The following ADAMTSL1 variants were observed in gnomAD, a reference collection of about 807,000 sequenced individuals.
The protein encoded by ADAMTSL1 is ADAMTS-like protein 1.
Under a neutral mutation model 201.8 loss-of-function variants are expected in ADAMTSL1, and 126 were observed. The observed-to-expected ratio is 0.62, with a 90% confidence interval of 0.54 to 0.72. ADAMTSL1 has a LOEUF of 0.72. Among genes scored for constraint, ADAMTSL1 ranks in the 30% least tolerant of loss-of-function variants. The pLI, the probability that ADAMTSL1 is intolerant of heterozygous loss-of-function variation, is 0.00. For synonymous variants in ADAMTSL1, 1,121 were observed against 903.4 expected, an observed-to-expected ratio of 1.24 and a Z score of -4.32; for missense variants, 2,679 against 2,277.8, an observed-to-expected ratio of 1.18 and a Z score of -3.59.
At chr9:18,512,806 T>C (rs988894332) in intron 2 of ADAMTSL1, among the ~76,000 whole-genome samples, 1 of 152,206 alleles carries the variant, frequency 6.6e-6, no homozygotes. Context: ...AATTCAATTG[T>C]ATGAATTCCT....
At chr9:18,703,701 C>CATATATATATATAT (rs72258520) in intron 13 of ADAMTSL1, among the ~76,000 whole-genome samples, 3,896 of 77,964 alleles carry the variant, frequency 0.05, 345 homozygotes, top group Non-Finnish European at 0.067. Context: ...TGCGCACATA[C>CATATATATATATAT]ATATATATAT....
intron 3 of ADAMTSL1, among the ~76,000 whole-genome samples, chr9:18,569,833 T>A (rs2132333352): frequency 6.6e-6 from 1 of 152,268 alleles, no homozygotes; most frequent in Admixed American, 6.5e-5. Context: ...ATATGCCAAT[T>A]TAAAGTTTAT....
At chr9:18,816,489 A>G (rs1382909450) in intron 20 of ADAMTSL1, among the ~76,000 whole-genome samples, 3 of 152,148 alleles carry the variant, frequency 2.0e-5, no homozygotes, top group Non-Finnish European at 1.5e-5. Flanking sequence ...GACCCACCTC[A>G]GCCTCCCAAA....
intron 23 of ADAMTSL1, among the ~76,000 whole-genome samples, chr9:18,843,588 C>A (rs189503549): frequency 0.039 from 5,872 of 150,552 alleles, 210 homozygotes; most frequent in South Asian, 0.094. Flanking sequence ...CCCTGCCTTG[C>A]TGGATTGGGG....
At chr9:18,543,700 A>G (rs1820299914) in intron 3 of ADAMTSL1, among the ~76,000 whole-genome samples, 1 of 152,226 alleles carries the variant, frequency 6.6e-6, no homozygotes, top group Admixed American at 6.5e-5. Flanking sequence ...GCATAAAGAA[A>G]TAAACATTTT....
intron 14 of ADAMTSL1, among the ~76,000 whole-genome samples, chr9:18,713,660 A>G (rs963309686): frequency 6.6e-6 from 1 of 150,540 alleles, no homozygotes. Context: ...GGAGACTTTA[A>G]CACCCCACTG....
At chr9:18,721,467 C>G in intron 14 of ADAMTSL1, 69 bp from the exon 15 acceptor site, 2 of 1,582,032 alleles carry the variant, frequency 1.3e-6, no homozygotes, top group Non-Finnish European at 1.7e-6. Flanking sequence ...GCTGCCTTGT[C>G]TACACTTCAT....
rs1825127485 is a variant in ADAMTSL1, at chr9:18,113,712, A to G, written c.88-50150A>G. ...AAAATTAAACATCTAAATACTGCTT[A>G]CTATATGACAGTCACTGTTCTGAGG... On this transcript the variant is annotated intron_variant, in intron 1 of 29. Transcript: ENST00000680146. Among the ~76,000 whole-genome samples the G allele has an allele frequency of 2.6e-5, 4 of 152,256 alleles. No homozygotes were observed. The South Asian group carries it at 8.3e-4, about 32-fold the overall frequency.
At chr9:18,778,332 A>C (rs1192590521) in intron 19 of ADAMTSL1, among the ~76,000 whole-genome samples, 1 of 152,216 alleles carries the variant, frequency 6.6e-6, no homozygotes, top group Non-Finnish European at 1.5e-5. Context: ...AGGGCTGGGC[A>C]GAGAATGCAG....
chr9:18,035,196 C>G (rs1821139145), intron 1 of ADAMTSL1, among the ~76,000 whole-genome samples: 1 of 152,204 alleles, frequency 6.6e-6, no homozygotes, highest in South Asian at 2.1e-4. Flanking sequence ...ATTCCCACAG[C>G]TGCTCCTCTA....
At chr9:18,601,025 T>G (rs1206596695) in intron 4 of ADAMTSL1, among the ~76,000 whole-genome samples, 1 of 152,194 alleles carries the variant, frequency 6.6e-6, no homozygotes, top group Admixed American at 6.5e-5. Flanking sequence ...CTTGTGTTTC[T>G]TTTCTTTCTG....
chr9:18,081,879 C>T (rs58835486), intron 1 of ADAMTSL1, among the ~76,000 whole-genome samples: 18 of 151,956 alleles, frequency 1.2e-4, no homozygotes, highest in African/African-American at 3.1e-4. Context: ...AAAATACTAG[C>T]GTATGCTTGT....
At chr9:18,733,476 C>T (rs1477089080) in intron 15 of ADAMTSL1, among the ~76,000 whole-genome samples, 1 of 152,170 alleles carries the variant, frequency 6.6e-6, no homozygotes, top group African/African-American at 2.4e-5. Context: ...GCAAAAAGCT[C>T]ATTTCCTTAA....
chr9:18,651,990 C>G (rs1290678566), intron 7 of ADAMTSL1, among the ~76,000 whole-genome samples: 1 of 151,972 alleles, frequency 6.6e-6, no homozygotes, highest in African/African-American at 2.4e-5. Context: ...TATCTTCCCT[C>G]TCCTAGCTTA....
intron 8 of ADAMTSL1, among the ~76,000 whole-genome samples, 195 bp from the exon 9 acceptor site, chr9:18,661,740 G>C (rs941600012): frequency 6.6e-6 from 1 of 152,184 alleles, no homozygotes; most frequent in Non-Finnish European, 1.5e-5. Flanking sequence ...TAAGATTTGA[G>C]TGGATTACTT....
At chr9:17,981,597 G>A (rs1818700575) in intron 1 of ADAMTSL1, among the ~76,000 whole-genome samples, 1 of 152,170 alleles carries the variant, frequency 6.6e-6, no homozygotes, top group Non-Finnish European at 1.5e-5. Flanking sequence ...CTTCTTCAAA[G>A]AGATTTTGCG....
intron 5 of ADAMTSL1, among the ~76,000 whole-genome samples, chr9:18,629,816 A>G (rs1388689329): frequency 1.3e-5 from 2 of 151,974 alleles, no homozygotes; most frequent in African/African-American, 2.4e-5. Context: ...AATTGAATAT[A>G]TTTATTCTTT....
chr9:18,759,979 T>A lies in ADAMTSL1; in HGVS notation c.2217+6471T>A, dbSNP rs563161584. 2.0e-5 allele frequency among the ~76,000 whole-genome samples: 3 copies of A among 152,332 alleles called. No homozygotes were observed. In the East Asian group the frequency reaches 5.8e-4, roughly 29 times the overall value. The stretch of plus-strand genomic sequence containing the variant: ...AGTTTGGCTCAGCTATGACCTCGAC[T>A]GTGTGCATAGCACCGTGTCTAACTG... On this transcript the variant is annotated intron_variant, in intron 16 of 28. Transcript: ENST00000380548.
At chr9:18,512,761 T>C (rs528662102) in intron 2 of ADAMTSL1, among the ~76,000 whole-genome samples, 1 of 152,356 alleles carries the variant, frequency 6.6e-6, no homozygotes, top group South Asian at 2.1e-4. Context: ...TTTATTCTGG[T>C]AGCATCATTT....
Sources: allele counts gnomAD v4.1 joint callset (sites outside exome capture counted in the v4.1 genomes callset), GRCh38; gene constraint gnomAD v4.1.1; transcripts MANE v1.5; gene names NCBI Gene and HGNC (gene_info 2026-07-23, HGNC 2026-07-21).